RIPOR2: variants seen among roughly 807,000 people sequenced by gnomAD.
RIPOR2 encodes the protein RHO family interacting cell polarization regulator 2.
A neutral mutation model predicts 114.5 loss-of-function variants in RIPOR2; 39 were observed. That is an observed-to-expected ratio of 0.34 (90% CI 0.26 to 0.44). The LOEUF (loss-of-function observed/expected upper bound fraction) is 0.44. Ranked by LOEUF, RIPOR2 falls within the 20% of genes least tolerant of loss-of-function variation. The pLI is 1.00. For missense variants in RIPOR2, 1,007 were observed against 1,255.1 expected, an observed-to-expected ratio of 0.80 and a Z score of 2.99; for synonymous variants, 445 against 484.4, an observed-to-expected ratio of 0.92 and a Z score of 1.07.
chr6:24,924,972 G>A (rs912876247), intron 1 of RIPOR2, among the ~76,000 whole-genome samples: 1 of 152,126 alleles, frequency 6.6e-6, no homozygotes, highest in African/African-American at 2.4e-5. Context: ...ATATAATTGA[G>A]TACTCTAAAA....
At chr6:24,962,083 C>A (rs389399) in intron 1 of RIPOR2, among the ~76,000 whole-genome samples, 121,061 of 152,146 alleles carry the variant, frequency 0.8, 51,725 homozygotes, top group East Asian at 0.96. Context: ...GGCAGTCTGG[C>A]GCCAGAACCC....
intron 1 of RIPOR2, among the ~76,000 whole-genome samples, chr6:24,903,123 C>A (rs769256168): frequency 6.6e-6 from 1 of 152,130 alleles, no homozygotes; most frequent in Non-Finnish European, 1.5e-5. Flanking sequence ...TGGGGGCTGG[C>A]CAGGCATCTT....
chr6:25,041,910 C>G, exon 1 of RIPOR2: 1 of 702,862 alleles, frequency 1.4e-6, no homozygotes, highest in Non-Finnish European at 2.6e-6. Flanking sequence ...CCAGTGTAAT[C>G]GCGAAGGTAA....
At chr6:24,935,768 A>C in intron 1 of RIPOR2, 70 bp downstream of exon 1, 1 of 1,133,066 alleles carries the variant, frequency 8.8e-7, no homozygotes, top group Admixed American at 2.1e-5. Flanking sequence ...CAAGCTGGGC[A>C]AAAGTGTCCA....
At chr6:24,869,190 T>A (rs1324757252) in intron 5 of RIPOR2, 43 bp from the exon 6 acceptor site, 5 of 976,442 alleles carry the variant, frequency 5.1e-6, no homozygotes, top group Non-Finnish European at 7.9e-6. Flanking sequence ...CATTTATAGT[T>A]CAATTGACTT....
intron 16 of RIPOR2, 55 bp from the exon 17 acceptor site, chr6:24,830,725 TA>T: frequency 2.0e-6 from 3 of 1,496,932 alleles, no homozygotes; most frequent in Non-Finnish European, 2.7e-6. Context: ...TATTTTATTT[TA>T]TTTTTTTGAG....
intron 1 of RIPOR2, among the ~76,000 whole-genome samples, chr6:24,887,030 G>A (rs1179254147): frequency 2.6e-5 from 4 of 151,958 alleles, no homozygotes; most frequent in African/African-American, 7.3e-5. Flanking sequence ...ATGGACTCAC[G>A]GATTCTTGTT....
At chr6:25,038,966 T>C (rs768694784) in intron 1 of RIPOR2, among the ~76,000 whole-genome samples, 5 of 152,228 alleles carry the variant, frequency 3.3e-5, no homozygotes, top group African/African-American at 4.8e-5. Flanking sequence ...TGATTACCAA[T>C]GTCTGCATGG....
intron 6 of RIPOR2, 23 bp from the exon 7 acceptor site, chr6:24,865,473 CAG>C (rs1764509955): frequency 1.3e-6 from 2 of 1,584,682 alleles, no homozygotes. Context: ...AAACAGGAAA[CAG>C]AAATAAATGT....
At chr6:25,030,365 G>A (rs1436436728) in intron 1 of RIPOR2, among the ~76,000 whole-genome samples, 2 of 152,066 alleles carry the variant, frequency 1.3e-5, no homozygotes, top group Non-Finnish European at 2.9e-5. Context: ...AGAGTCCCTC[G>A]TTTGCTCAGA....
At chr6:24,895,713 G>A (rs934496870) in intron 1 of RIPOR2, among the ~76,000 whole-genome samples, 4 of 152,130 alleles carry the variant, frequency 2.6e-5, no homozygotes, top group Non-Finnish European at 4.4e-5. Flanking sequence ...TTCTTCGGCC[G>A]GGCGCTGTGG....
chr6:24,964,933 CT>C (rs1773459749), intron 1 of RIPOR2, among the ~76,000 whole-genome samples: 1 of 152,006 alleles, frequency 6.6e-6, no homozygotes, highest in Non-Finnish European at 1.5e-5. Context: ...ATCTGTATTT[CT>C]TTTTGGTGAA....
intron 1 of RIPOR2, among the ~76,000 whole-genome samples, chr6:24,980,143 T>C (rs938588768): frequency 6.6e-5 from 10 of 152,216 alleles, no homozygotes; most frequent in African/African-American, 1.9e-4. Context: ...AAGTTTTCTC[T>C]GCCATTCCAT....
chr6:24,952,514 G>A (rs1772829158), intron 1 of RIPOR2, among the ~76,000 whole-genome samples: 1 of 152,190 alleles, frequency 6.6e-6, no homozygotes, highest in Non-Finnish European at 1.5e-5. Context: ...TTGAAGCAAA[G>A]TTGGGAAGAG....
chr6:24,921,617 A>G (rs773824635), intron 1 of RIPOR2, among the ~76,000 whole-genome samples: 2 of 151,438 alleles, frequency 1.3e-5, no homozygotes, highest in African/African-American at 4.9e-5. Context: ...TATTCTGCCC[A>G]CCCTGCACTT....
intron 1 of RIPOR2, among the ~76,000 whole-genome samples, chr6:24,922,229 A>T (rs550053811): frequency 2.6e-5 from 4 of 152,344 alleles, no homozygotes; most frequent in African/African-American, 9.6e-5. Context: ...TATGCTATTC[A>T]TCTCTAGAGG....
At chr6:24,991,325 T>G (rs1467602068) in intron 1 of RIPOR2, among the ~76,000 whole-genome samples, 1 of 152,206 alleles carries the variant, frequency 6.6e-6, no homozygotes, top group Non-Finnish European at 1.5e-5. Context: ...GATCTCTTCT[T>G]GCTATGTATT....
chr6:24,871,648 C>T (rs370070990), intron 4 of RIPOR2, among the ~76,000 whole-genome samples: 3 of 152,212 alleles, frequency 2.0e-5, no homozygotes, highest in South Asian at 2.1e-4. Flanking sequence ...CCACCACGCC[C>T]GGCCTTAAGA....
At chr6:24,849,254 A>G (rs949068121) in intron 11 of RIPOR2, among the ~76,000 whole-genome samples, 2 of 152,206 alleles carry the variant, frequency 1.3e-5, no homozygotes, top group Admixed American at 1.3e-4. Context: ...GTGAATTTGG[A>G]AAACGATTTC....
Sources: gnomAD v4.1 joint callset for allele counts (sites outside exome capture counted in the v4.1 genomes callset) on GRCh38, gnomAD v4.1.1 for gene constraint, MANE v1.5 for transcripts, NCBI Gene and HGNC (gene_info 2026-07-23, HGNC 2026-07-21) for gene names.